STXBP4: variants seen among roughly 807,000 people sequenced by gnomAD.
STXBP4 encodes syntaxin-binding protein 4.
STXBP4 carries 55 observed loss-of-function variants against 76.1 expected under a neutral mutation model. The ratio of observed to expected loss-of-function variants is 0.72; its 90% CI spans 0.58 to 0.91. The LOEUF is 0.91. Ranked by LOEUF, STXBP4 falls within the 40% of genes least tolerant of loss-of-function variation. The pLI is 0.00. For synonymous variants in STXBP4, 201 were observed against 220.2 expected (o/e 0.91, Z 0.77); for missense variants, 618 against 636.9 (o/e 0.97, Z 0.32).
At chr17:55,026,056 AAG>A (rs759472687) in intron 8 of STXBP4, among the ~76,000 whole-genome samples, 45 of 152,242 alleles carry the variant, frequency 3.0e-4, no homozygotes, top group Non-Finnish European at 2.2e-4. Context: ...AATTTAAAAA[AAG>A]AAGTGCAAGA....
At chr17:54,978,297 C>T (rs182178005) in intron 1 of STXBP4, among the ~76,000 whole-genome samples, 1 of 151,882 alleles carries the variant, frequency 6.6e-6, no homozygotes, top group Non-Finnish European at 1.5e-5. Flanking sequence ...GGGCATCTAC[C>T]CTCTGGACTG....
chr17:55,091,122 G>C (rs184060990), intron 16 of STXBP4, among the ~76,000 whole-genome samples: 5 of 152,102 alleles, frequency 3.3e-5, no homozygotes, highest in African/African-American at 9.6e-5. Flanking sequence ...CATGTATTAG[G>C]CATTTTAAAA....
At chr17:55,008,417 T>C (rs1469516777) in intron 8 of STXBP4, among the ~76,000 whole-genome samples, 1 of 152,142 alleles carries the variant, frequency 6.6e-6, no homozygotes, top group Non-Finnish European at 1.5e-5. Flanking sequence ...TTGAATCTTA[T>C]CTAAATTCTA....
intron 4 of STXBP4, among the ~76,000 whole-genome samples, chr17:54,995,495 A>G (rs1567708883): frequency 6.6e-6 from 1 of 152,242 alleles, no homozygotes; most frequent in Non-Finnish European, 1.5e-5. Flanking sequence ...ACACATATAT[A>G]TAACATGCAT....
intron 8 of STXBP4, among the ~76,000 whole-genome samples, chr17:55,020,687 A>G (rs1455550291): frequency 6.6e-6 from 1 of 152,032 alleles, no homozygotes; most frequent in African/African-American, 2.4e-5. Flanking sequence ...GCATGGTGGC[A>G]TGCACCTGTA....
intron 16 of STXBP4, among the ~76,000 whole-genome samples, chr17:55,107,405 T>A (rs2079648400): frequency 6.6e-6 from 1 of 152,182 alleles, no homozygotes; most frequent in African/African-American, 2.4e-5. Context: ...TCAAAGGAGT[T>A]TGTTATTACC....
In STXBP4 at chr17:55,058,002, C is replaced by A. The variant is rs559148336; in HGVS notation, c.1011+10848C>A. Among the ~76,000 whole-genome samples the A allele has an allele frequency of 2.6e-3, 396 of 152,176 alleles. 2 individuals carry two copies. Among genetic ancestry groups the A allele is most frequent in the African/African-American group, 9.0e-3 (372 of 41,528 alleles). On this transcript the variant is annotated intron_variant, in intron 12 of 17. Transcript: ENST00000376352. ...CAAGTCTTTGCCATTGTGAACAGTGCCACAATAAACGTACTTGTGCATGTG... is the reference window on the plus strand; with the variant it reads ...CAAGTCTTTGCCATTGTGAACAGTGACACAATAAACGTACTTGTGCATGTG...
chr17:55,037,118 A>T lies in STXBP4; in HGVS notation c.855+2859A>T, dbSNP rs932212043. On this transcript the variant is annotated intron_variant, in intron 10 of 17. Coordinates refer to ENST00000376352, the MANE Select transcript of STXBP4 (RefSeq NM_178509.6). ...CCAGTTCTCCCAGAATGAAGCACTG[A>T]TTTATCAGAACTAATTTTGTCGCAT... 2.6e-5 allele frequency among the ~76,000 whole-genome samples: 4 copies of T among 152,256 alleles called. No homozygotes were observed. In the East Asian group the frequency reaches 7.7e-4, roughly 29 times the overall value.
Position 55,055,062 on chromosome 17 carries a change from C to T in STXBP4, c.1011+7908C>T, listed in dbSNP as rs562238997. On this transcript the variant is annotated intron_variant, in intron 12 of 17. Transcript: ENST00000376352. ...AAAAGTGTTAATAGTACCTACCTTACAATTTTTTCATAGGACTTGAGAATT... is the reference window on the plus strand; with the variant it reads ...AAAAGTGTTAATAGTACCTACCTTATAATTTTTTCATAGGACTTGAGAATT... 2.8e-4 allele frequency among the ~76,000 whole-genome samples: 43 copies of T among 152,242 alleles called. 1 individual carries two copies. The highest frequency in any genetic ancestry group is 6.8e-3 in the Middle Eastern group (2 of 294).
At chr17:55,008,681 G>C (rs149057345) in intron 8 of STXBP4, among the ~76,000 whole-genome samples, 1 of 152,130 alleles carries the variant, frequency 6.6e-6, no homozygotes, top group East Asian at 1.9e-4. Flanking sequence ...GCATAGCAAG[G>C]CCTGTTTGTT....
rs565725747 is a variant in STXBP4 at position 55,094,143 on chromosome 17, A to G, written c.1489+12960A>G. Among the ~76,000 whole-genome samples, 20 of 147,442 alleles carry G rather than the reference A, an allele frequency of 1.4e-4. No individual in the cohort carries two copies. In the South Asian group the frequency reaches 4.5e-3, roughly 33 times the overall value. On this transcript the variant is annotated intron_variant, in intron 16 of 17. Transcript: ENST00000376352. ...TACAAATGCTGTGAGATAGGAACAA[A>G]CTTGACATACTTGAGGGACAGGAAA...
At chr17:55,077,620 C>T (rs1414518309) in intron 13 of STXBP4, among the ~76,000 whole-genome samples, 3 of 151,796 alleles carry the variant, frequency 2.0e-5, no homozygotes, top group Non-Finnish European at 4.4e-5. Context: ...CCAGTGGGCT[C>T]ACTTGGCATC....
intron 12 of STXBP4, among the ~76,000 whole-genome samples, chr17:55,054,782 G>T (rs2078904134): frequency 6.6e-6 from 1 of 152,024 alleles, no homozygotes; most frequent in Non-Finnish European, 1.5e-5. Flanking sequence ...ATATTAAGAG[G>T]TGGAAATGAT....
the STXBP4 span, among the ~76,000 whole-genome samples, chr17:55,203,845 T>C: frequency 1.3e-5 from 2 of 152,272 alleles, no homozygotes; most frequent in African/African-American, 4.8e-5. Context: ...AGGTGATCTT[T>C]TTTTTCTTAC....
At chr17:55,097,372 G>A (rs1034071654) in intron 16 of STXBP4, among the ~76,000 whole-genome samples, 10 of 152,132 alleles carry the variant, frequency 6.6e-5, no homozygotes, top group African/African-American at 2.4e-4. Flanking sequence ...GTAAAAAATT[G>A]CCTGTAGTTG....
chr17:55,141,975 C>T (rs2080099221), intron 17 of STXBP4, among the ~76,000 whole-genome samples: 2 of 152,132 alleles, frequency 1.3e-5, no homozygotes, highest in South Asian at 4.1e-4. Flanking sequence ...AGAACAACCT[C>T]TTGAGGTATG....
At position 55,068,245 on chromosome 17, in the gene STXBP4, G is replaced by A. The variant is rs537543849; in HGVS notation, c.1012-4655G>A. Among the ~76,000 whole-genome samples, 11 of 152,220 alleles carry A rather than the reference G, an allele frequency of 7.2e-5. No homozygotes were observed. The South Asian group carries it at 8.3e-4, about 11-fold the overall frequency. ...GAGTGGATGTAGGAAGCTGATAAGA[G>A]AAGTATTCTTTAGGGCTTGGTAGCA... On this transcript the variant is annotated intron_variant, in intron 12 of 17. Transcript: ENST00000376352.
intron 4 of STXBP4, among the ~76,000 whole-genome samples, chr17:54,994,767 A>G (rs566141274): frequency 1.3e-5 from 2 of 151,208 alleles, no homozygotes; most frequent in East Asian, 3.9e-4. Context: ...CTATGCTTCC[A>G]GAGTAGCATT....
intron 12 of STXBP4, among the ~76,000 whole-genome samples, chr17:55,070,635 C>T (rs774058457): frequency 2.0e-5 from 3 of 152,108 alleles, no homozygotes; most frequent in Non-Finnish European, 4.4e-5. Flanking sequence ...GCTCAGAAGC[C>T]TTCAAGTCTT....
Sources: gnomAD v4.1 joint callset for allele counts (sites outside exome capture counted in the v4.1 genomes callset) on GRCh38, gnomAD v4.1.1 for gene constraint, MANE v1.5 for transcripts, NCBI Gene and HGNC (gene_info 2026-07-23, HGNC 2026-07-21) for gene names.